CFAP299: variants seen among roughly 807,000 people sequenced by gnomAD.
CFAP299 encodes cilia and flagella associated protein 299.
Under a neutral mutation model 27.0 loss-of-function variants are expected in CFAP299, and 21 were observed. That is an observed-to-expected ratio of 0.78 (90% CI 0.55 to 1.12). The LOEUF is 1.12. CFAP299 is among the 50% of genes most tolerant of loss of function. The pLI is 0.00. For missense variants in CFAP299, 310 were observed against 276.6 expected (o/e 1.12, Z -0.86); for synonymous variants, 104 against 98.1 (o/e 1.06, Z -0.36).
chr4:80,436,701 C>A (rs950477461), intron 2 of CFAP299, among the ~76,000 whole-genome samples: 2 of 152,084 alleles, frequency 1.3e-5, no homozygotes, highest in Admixed American at 1.3e-4. Flanking sequence ...TATCTTGGAA[C>A]AAGAGATAAA....
intron 4 of CFAP299, among the ~76,000 whole-genome samples, chr4:80,919,259 G>T (rs1735919630): frequency 6.6e-6 from 1 of 152,040 alleles, no homozygotes. Context: ...CACAATTCAG[G>T]TTATAATACA....
At chr4:80,562,280 C>T (rs115064686) in intron 2 of CFAP299, among the ~76,000 whole-genome samples, 1 of 151,920 alleles carries the variant, frequency 6.6e-6, no homozygotes, top group African/African-American at 2.4e-5. Flanking sequence ...AACAACATGG[C>T]AGGAATAAGT....
chr4:80,790,042 ACC>A (rs1260276333), intron 3 of CFAP299, among the ~76,000 whole-genome samples: 1 of 151,940 alleles, frequency 6.6e-6, no homozygotes, highest in Non-Finnish European at 1.5e-5. Context: ...CCATATTTTC[ACC>A]CCCAAAATCA....
At chr4:80,568,606 A>G (rs1489806232) in intron 2 of CFAP299, among the ~76,000 whole-genome samples, 1 of 152,204 alleles carries the variant, frequency 6.6e-6, no homozygotes, top group East Asian at 1.9e-4. Context: ...TTTATGTTAT[A>G]TATTATAGTA....
At chr4:80,864,061 G>T (rs1242933942) in intron 3 of CFAP299, among the ~76,000 whole-genome samples, 11 of 151,914 alleles carry the variant, frequency 7.2e-5, no homozygotes, top group Admixed American at 7.2e-4. Context: ...TCTTGGGAGT[G>T]ATGAGAATAT....
intron 3 of CFAP299, chr4:80,608,504 A>G (rs1737795536): frequency 1.8e-6 from 1 of 552,270 alleles, no homozygotes; most frequent in Non-Finnish European, 3.2e-6. Context: ...CACCAGCTTG[A>G]TGAATGACAG....
chr4:80,740,437 CTCTTGT>C (rs1412214641), intron 3 of CFAP299, among the ~76,000 whole-genome samples: 6 of 152,174 alleles, frequency 3.9e-5, no homozygotes, highest in Non-Finnish European at 8.8e-5. Context: ...CAGGCAGAGA[CTCTTGT>C]TCTTTTCCCT....
At chr4:80,507,144 C>T (rs147671168) in intron 2 of CFAP299, among the ~76,000 whole-genome samples, 1 of 152,196 alleles carries the variant, frequency 6.6e-6, no homozygotes, top group Non-Finnish European at 1.5e-5. Flanking sequence ...CTCATACTCT[C>T]ATGGAGGCTT....
At chr4:80,752,230 G>A (rs147355235) in intron 3 of CFAP299, among the ~76,000 whole-genome samples, 126 of 151,970 alleles carry the variant, frequency 8.3e-4, no homozygotes, top group African/African-American at 2.8e-3. Flanking sequence ...GAGTTGTTTG[G>A]CTAATCAGTC....
chr4:80,919,796 G>T (rs756302145), intron 4 of CFAP299, among the ~76,000 whole-genome samples: 23 of 152,148 alleles, frequency 1.5e-4, no homozygotes, highest in Non-Finnish European at 2.6e-4. Context: ...ATCAAAGAGA[G>T]CACTAATTTT....
At chr4:80,432,533 ATT>A (rs58017511) in intron 2 of CFAP299, among the ~76,000 whole-genome samples, 1 of 120,968 alleles carries the variant, frequency 8.3e-6, no homozygotes, top group Non-Finnish European at 1.6e-5. Context: ...TTTACACTCT[ATT>A]TTTTTTTTTT....
chr4:80,741,669 A>G (rs1008288659), intron 3 of CFAP299, among the ~76,000 whole-genome samples: 126 of 152,246 alleles, frequency 8.3e-4, no homozygotes, highest in African/African-American at 2.9e-3. Context: ...GGGATGGTGC[A>G]AGTATTCCCT....
Position 80,573,873 on chromosome 4 carries a change from A to G in CFAP299, c.243-9220A>G, listed in dbSNP as rs921778488. Among the ~76,000 whole-genome samples, 8 of 152,220 alleles carry G rather than the reference A, an allele frequency of 5.3e-5. No individual in the cohort carries two copies. The East Asian group carries it at 1.5e-3, about 29-fold the overall frequency. On this transcript the variant is annotated intron_variant, in intron 2 of 5. Coordinates refer to ENST00000358105, the MANE Select transcript of CFAP299 (RefSeq NM_152770.3). ...TTCAGTTACTACAGCTCCATAGTATAATTTGAAGTCAGGTAAAGTGATTCA... is the reference window on the plus strand; with the variant it reads ...TTCAGTTACTACAGCTCCATAGTATGATTTGAAGTCAGGTAAAGTGATTCA...
chr4:80,963,497 A>G lies in CFAP299; in HGVS notation c.607-20A>G. The G allele has an allele frequency of 1.3e-6, 2 of 1,513,632 alleles. No individual in the cohort carries two copies. Among genetic ancestry groups the G allele is most frequent in the Non-Finnish European group, 1.8e-6 (2 of 1,110,544 alleles). 93.8% of individuals were successfully genotyped at this position (1,513,632 alleles called of 1,614,324 possible). ...AGTATTTTTATAGACTTGACTAACA[A>G]TGTAATTTATGTATTTTAGGCGCAG... On this transcript the variant is annotated intron_variant, in intron 5 of 5. Coordinates refer to ENST00000358105, the MANE Select transcript of CFAP299 (RefSeq NM_152770.3).
At chr4:80,499,173 T>C (rs1356415640) in intron 2 of CFAP299, among the ~76,000 whole-genome samples, 23 of 152,080 alleles carry the variant, frequency 1.5e-4, no homozygotes. Flanking sequence ...ATAATCTGAA[T>C]ATCAAACCCC....
At chr4:80,539,148 A>C (rs913738361) in intron 2 of CFAP299, among the ~76,000 whole-genome samples, 1 of 152,236 alleles carries the variant, frequency 6.6e-6, no homozygotes, top group Non-Finnish European at 1.5e-5. Context: ...GTTTGTAGCT[A>C]TACAACATTT....
intron 2 of CFAP299, among the ~76,000 whole-genome samples, chr4:80,521,064 A>G (rs1446436442): frequency 1.3e-5 from 2 of 152,200 alleles, no homozygotes; most frequent in Admixed American, 1.3e-4. Flanking sequence ...TAAAACAATG[A>G]CATCAAATAT....
the CFAP299 span, among the ~76,000 whole-genome samples, chr4:80,323,551 T>G: frequency 6.6e-6 from 1 of 152,172 alleles, no homozygotes; most frequent in African/African-American, 2.4e-5. Context: ...TTATTTCTGT[T>G]AGTATCCAAA....
At chr4:80,954,672 TTAATA>T (rs1168707832) in intron 5 of CFAP299, among the ~76,000 whole-genome samples, 1 of 152,172 alleles carries the variant, frequency 6.6e-6, no homozygotes, top group Admixed American at 6.5e-5. Context: ...GGATAGGTTC[TTAATA>T]TGCGGGGGGG....
Sources: gnomAD v4.1 joint callset for allele counts (sites outside exome capture counted in the v4.1 genomes callset) on GRCh38, gnomAD v4.1.1 for gene constraint, MANE v1.5 for transcripts, NCBI Gene and HGNC (gene_info 2026-07-23, HGNC 2026-07-21) for gene names.